CABCOCO1: variants seen among roughly 807,000 people sequenced by gnomAD.
The protein encoded by CABCOCO1 is ciliary-associated calcium-binding coiled-coil protein 1.
CABCOCO1 carries 28 observed loss-of-function variants against 35.7 expected under a neutral mutation model. The ratio of observed to expected loss-of-function variants is 0.78; its 90% confidence interval spans 0.58 to 1.07. CABCOCO1 has a LOEUF of 1.07. Ranked by LOEUF, CABCOCO1 falls within the 50% of genes least tolerant of loss-of-function variation. The pLI is 0.00. For synonymous variants in CABCOCO1, 95 were observed against 100.1 expected (o/e 0.95, Z 0.30); for missense variants, 326 against 309.2 (o/e 1.05, Z -0.41).
At chr10:61,718,233 G>A (rs1266872105) in intron 5 of CABCOCO1, among the ~76,000 whole-genome samples, 9 of 152,128 alleles carry the variant, frequency 5.9e-5, no homozygotes, top group African/African-American at 1.7e-4. Flanking sequence ...TTTTTGACAT[G>A]AAGCAAAGGT....
chr10:61,764,654 A>C (rs1842071748), intron 7 of CABCOCO1, among the ~76,000 whole-genome samples: 1 of 152,074 alleles, frequency 6.6e-6, no homozygotes, highest in South Asian at 2.1e-4. Context: ...TCCTAAAGGA[A>C]GAGTTCCTCT....
At chr10:61,730,400 A>G (rs758914608) in intron 5 of CABCOCO1, among the ~76,000 whole-genome samples, 1 of 152,182 alleles carries the variant, frequency 6.6e-6, no homozygotes, top group Non-Finnish European at 1.5e-5. Flanking sequence ...ACATATCCAT[A>G]AAGCACTACA....
chr10:61,760,308 T>G, intron 6 of CABCOCO1, 127 bp downstream of exon 6: 1 of 1,284,566 alleles, frequency 7.8e-7, no homozygotes, highest in Non-Finnish European at 1.1e-6. Flanking sequence ...ATACAAATAT[T>G]TCTCTAAGTG....
chr10:61,763,134 A>G (rs1253359418), intron 7 of CABCOCO1, among the ~76,000 whole-genome samples: 1 of 152,104 alleles, frequency 6.6e-6, no homozygotes, highest in African/African-American at 2.4e-5. Context: ...ATTTTCTCAC[A>G]GATTTTTTTC....
intron 2 of CABCOCO1, 37 bp downstream of exon 2, chr10:61,672,772 C>T (rs552641145): frequency 3.6e-4 from 351 of 974,476 alleles, no homozygotes; most frequent in Middle Eastern, 5.3e-4. Context: ...TGTAGAAGAA[C>T]AGTTCGAGTT....
At chr10:61,758,418 C>A (rs1407072294) in intron 5 of CABCOCO1, among the ~76,000 whole-genome samples, 1 of 152,046 alleles carries the variant, frequency 6.6e-6, no homozygotes, top group Non-Finnish European at 1.5e-5. Flanking sequence ...AGGTGAAATT[C>A]TTGTTTGCCC....
At chr10:61,682,104 T>C (rs1839809574) in intron 3 of CABCOCO1, among the ~76,000 whole-genome samples, 1 of 152,128 alleles carries the variant, frequency 6.6e-6, no homozygotes, top group African/African-American at 2.4e-5. Flanking sequence ...AAAGTAAAAA[T>C]TTTCATGGAC....
At chr10:61,686,426 G>T (rs141412796) in intron 4 of CABCOCO1, among the ~76,000 whole-genome samples, 10 of 151,958 alleles carry the variant, frequency 6.6e-5, no homozygotes, top group African/African-American at 1.7e-4. Context: ...AAAAAAAAAG[G>T]TTTGCGTTTG....
At chr10:61,680,431 T>TTAACATATATAATATATTTTATATA (rs1839686582) in intron 2 of CABCOCO1, among the ~76,000 whole-genome samples, 1 of 111,072 alleles carries the variant, frequency 9.0e-6, no homozygotes, top group South Asian at 2.9e-4. Flanking sequence ...TATTTATATA[T>TTAACATATATAATATATTTTATATA]TAACATATAT....
chr10:61,734,060 G>A (rs1362981182), intron 5 of CABCOCO1, among the ~76,000 whole-genome samples: 2 of 151,862 alleles, frequency 1.3e-5, no homozygotes, highest in East Asian at 1.9e-4. Flanking sequence ...CTTACCCCCA[G>A]TTGAAGAGTT....
At chr10:61,701,455 T>C (rs557124668) in intron 5 of CABCOCO1, among the ~76,000 whole-genome samples, 8 of 152,302 alleles carry the variant, frequency 5.3e-5, no homozygotes, top group Non-Finnish European at 7.4e-5. Context: ...TCATGAGTTA[T>C]ATAAGTCATA....
intron 1 of CABCOCO1, among the ~76,000 whole-genome samples, chr10:61,665,000 G>A (rs907160521): frequency 8.5e-5 from 13 of 152,138 alleles, no homozygotes; most frequent in Non-Finnish European, 1.9e-4. Flanking sequence ...TATCCAAAAT[G>A]ACTTAGCCAG....
intron 5 of CABCOCO1, among the ~76,000 whole-genome samples, chr10:61,701,124 T>C (rs1360740952): frequency 6.6e-6 from 1 of 152,086 alleles, no homozygotes; most frequent in East Asian, 1.9e-4. Flanking sequence ...TATGCTTGTC[T>C]TTATGAAATT....
chr10:61,665,908 A>G (rs1335706528), intron 1 of CABCOCO1, among the ~76,000 whole-genome samples: 1 of 149,850 alleles, frequency 6.7e-6, no homozygotes, highest in Non-Finnish European at 1.5e-5. Flanking sequence ...AAAAATATCT[A>G]GGGAATTGAA....
chr10:61,735,885 C>G (rs547747372), intron 5 of CABCOCO1, among the ~76,000 whole-genome samples: 2 of 152,094 alleles, frequency 1.3e-5, no homozygotes, highest in Admixed American at 6.6e-5. Flanking sequence ...GCTTTAAAAA[C>G]AAACTACGCT....
At chr10:61,713,467 T>G (rs1398750099) in intron 5 of CABCOCO1, among the ~76,000 whole-genome samples, 2 of 152,224 alleles carry the variant, frequency 1.3e-5, no homozygotes, top group East Asian at 3.8e-4. Flanking sequence ...CAGGGACAAT[T>G]TGACTTCCTC....
At chr10:61,747,134 T>A (rs1337956490) in intron 5 of CABCOCO1, among the ~76,000 whole-genome samples, 2 of 152,202 alleles carry the variant, frequency 1.3e-5, no homozygotes, top group African/African-American at 4.8e-5. Context: ...AAATTAGTTA[T>A]AATGTTGTAT....
At chr10:61,730,058 A>G (rs1354474919) in intron 5 of CABCOCO1, among the ~76,000 whole-genome samples, 1 of 152,062 alleles carries the variant, frequency 6.6e-6, no homozygotes, top group Non-Finnish European at 1.5e-5. Context: ...ATTTGTTAAG[A>G]TGATAGATCT....
At chr10:61,713,927 GA>G (rs1374441043) in intron 5 of CABCOCO1, among the ~76,000 whole-genome samples, 1 of 152,122 alleles carries the variant, frequency 6.6e-6, no homozygotes, top group Non-Finnish European at 1.5e-5. Context: ...TTTTATTGAG[GA>G]TTTTGCATCG....
Sources: gnomAD v4.1 joint callset for allele counts (sites outside exome capture counted in the v4.1 genomes callset) on GRCh38, gnomAD v4.1.1 for gene constraint, MANE v1.5 for transcripts, NCBI Gene and HGNC (gene_info 2026-07-23, HGNC 2026-07-21) for gene names.